The following KIF9 variants were observed in gnomAD, a reference collection of about 807,000 sequenced individuals.
KIF9 encodes the protein kinesin family member 9, also known as kinesin-like protein KIF9.
Under a neutral mutation model 94.8 loss-of-function variants are expected in KIF9, and 68 were observed. That is an observed-to-expected ratio of 0.72 (90% confidence interval 0.59 to 0.88). The LOEUF is 0.88. Among genes scored for constraint, KIF9 ranks in the 40% least tolerant of loss-of-function variants. KIF9 has a pLI of 0.00. For missense variants in KIF9, 882 were observed against 982.5 expected (o/e 0.90, Z 1.37); for synonymous variants, 343 against 362.1 (o/e 0.95, Z 0.60).
rs545383213 is a variant in KIF9, at chr3:47,281,171, T to A, written c.-6+1324A>T. The A allele has an allele frequency of 4.7e-6, 3 of 631,704 alleles. No individual in the cohort carries two copies. The Admixed American group carries it at 7.3e-5, about 15-fold the overall frequency. The allele number at this position is 631,704 out of a possible 1,614,324, so 39.1% of individuals were successfully genotyped here. On this transcript the variant is annotated intron_variant, in intron 1 of 20. Transcript: ENST00000684063. ...AAGTCAGAGGGCAGCTGAATCTTCATATGTGGGTCTATCTTCAGTCACTAC... is the reference window on the plus strand; with the variant it reads ...AAGTCAGAGGGCAGCTGAATCTTCAAATGTGGGTCTATCTTCAGTCACTAC...
At position 47,282,631 on chromosome 3, in the gene KIF9, G is replaced by C; in HGVS notation, c.-142C>G. The C allele has an allele frequency of 8.7e-7, 1 of 1,147,512 alleles. No homozygotes were observed. The highest frequency in any genetic ancestry group is 2.4e-5 in the South Asian group (1 of 42,324). The allele number at this position is 1,147,512 out of a possible 1,614,324, so 71.1% of individuals were successfully genotyped here. A position where few individuals can be genotyped will look rare whatever the true frequency, so the allele number is the denominator to read the frequency against. On this transcript the variant is annotated 5_prime_UTR_variant, in exon 1 of 21. Transcript: ENST00000684063. ...TTCCGGGGATTCCGGAAGTGTCGGG[G>C]TGGCGGAAATGAAGTCCGAGGTCCT...
chr3:47,274,552 C>T (rs769779988), intron 3 of KIF9, among the ~76,000 whole-genome samples: 5 of 152,244 alleles, frequency 3.3e-5, no homozygotes, highest in Admixed American at 6.5e-5. Flanking sequence ...CCTGATTCAG[C>T]ATCTGAGTTG....
At chr3:47,255,963 T>C (rs1700555190) in intron 10 of KIF9, among the ~76,000 whole-genome samples, 2 of 152,248 alleles carry the variant, frequency 1.3e-5, no homozygotes, top group Admixed American at 6.5e-5. Flanking sequence ...GGTTTCGCTG[T>C]GTTGGCCGGG....
intron 17 of KIF9, among the ~76,000 whole-genome samples, chr3:47,236,847 G>A (rs554545432): frequency 2.0e-5 from 3 of 152,156 alleles, no homozygotes; most frequent in Non-Finnish European, 4.4e-5. Flanking sequence ...TGGCATTTTA[G>A]GGCAAACAAG....
chr3:47,249,310 T>A (rs1461467911), intron 10 of KIF9, among the ~76,000 whole-genome samples: 1 of 152,026 alleles, frequency 6.6e-6, no homozygotes, highest in Non-Finnish European at 1.5e-5. Flanking sequence ...CACGCCCGGC[T>A]AATTTTTGTA....
chr3:47,276,274 G>A (rs1701958350), intron 2 of KIF9, among the ~76,000 whole-genome samples: 1 of 151,610 alleles, frequency 6.6e-6, no homozygotes, highest in African/African-American at 2.4e-5. Flanking sequence ...AGACAGACTT[G>A]GCCGGGCATG....
rs116738932 is a variant in KIF9, at chr3:47,257,434, C to T, written c.1059+49G>A. 3.3e-3 allele frequency: 5,013 copies of T among 1,523,650 alleles called. 130 individuals carry two copies. In the African/African-American group the frequency reaches 0.054, roughly 16 times the overall value. 94.4% of individuals were successfully genotyped at this position (1,523,650 alleles called of 1,614,324 possible). A position where few individuals can be genotyped will look rare whatever the true frequency, so the allele number is the denominator to read the frequency against. On this transcript the variant is annotated intron_variant, in intron 10 of 20. Transcript: ENST00000684063. Reference sequence around the variant, plus strand: ...CGCTTGTGTGACCCAAGCAGCAAACCCATACACTTTCCCCACAGTGGGACA... The same window carrying T: ...CGCTTGTGTGACCCAAGCAGCAAACTCATACACTTTCCCCACAGTGGGACA...
intron 10 of KIF9, among the ~76,000 whole-genome samples, chr3:47,251,870 C>G (rs1341751791): frequency 6.6e-6 from 1 of 152,124 alleles, no homozygotes; most frequent in Non-Finnish European, 1.5e-5. Context: ...ACAGAATCAC[C>G]GACTGGCAGA....
Position 47,235,497 on chromosome 3 carries a change from T to A in KIF9, c.2322+16A>T, listed in dbSNP as rs773338332. ...TGAGGCCCCCATCCTCCTGGAGACA[T>A]AGGCCTCTGAGTTACCTTCTGCTCT... is the stretch of plus-strand genomic sequence containing the variant. On this transcript the variant is annotated intron_variant, in intron 20 of 20. Transcript: ENST00000684063. 3.2e-6 allele frequency: 5 copies of A among 1,567,678 alleles called. No homozygotes were observed. In the African/African-American group the frequency reaches 5.4e-5, roughly 17 times the overall value.
At chr3:47,253,375 C>T (rs1462159336) in intron 10 of KIF9, among the ~76,000 whole-genome samples, 2 of 152,028 alleles carry the variant, frequency 1.3e-5, no homozygotes, top group African/African-American at 2.4e-5. Context: ...AGGCTGGTCT[C>T]GCACTCCTGG....
intron 9 of KIF9, among the ~76,000 whole-genome samples, chr3:47,259,092 A>C (rs887701565): frequency 2.0e-5 from 3 of 152,154 alleles, no homozygotes; most frequent in African/African-American, 7.2e-5. Context: ...TAGACTCAGC[A>C]GTCTGGGTGG....
rs759906849 is a variant in KIF9 at position 47,239,924 on chromosome 3, A to T, written c.1924+877T>A. ...CCTGTGGTGTTTCCTGTCTGGAAGA[A>T]GACAGTAAGACTGAGCCAGGAGTGT... On this transcript the variant is annotated intron_variant, in intron 17 of 20. Transcript: ENST00000684063. 11 of 1,367,704 alleles carry T rather than the reference A, an allele frequency of 8.0e-6. No individual in the cohort carries two copies. The South Asian group carries it at 1.1e-4, about 14-fold the overall frequency. 84.7% of individuals were successfully genotyped at this position (1,367,704 alleles called of 1,614,324 possible). A position where few individuals can be genotyped will look rare whatever the true frequency, so the allele number is the denominator to read the frequency against.
chr3:47,277,377 TA>T lies in KIF9; in HGVS notation c.-4del, dbSNP rs1304882285. 2 of 1,609,742 alleles carry T rather than the reference TA, an allele frequency of 1.2e-6. No individual in the cohort carries two copies. The highest frequency in any genetic ancestry group is 3.3e-5 in the Admixed American group (2 of 59,886). On this transcript the variant is annotated splice_region_variant and 5_prime_UTR_variant, in exon 2 of 21. An upstream open reading frame in the 5' UTR loses its in-frame stop. Transcript: ENST00000684063. The stretch of plus-strand genomic sequence containing the variant: ...TGAACTTTTTTCCTAGTACCCATTC[TA>T]GCTAAAAAGAAGGGAACAATGAAAT...
chr3:47,273,508 A>G, intron 4 of KIF9, 44 bp downstream of exon 4: 1 of 1,451,544 alleles, frequency 6.9e-7, no homozygotes, highest in Non-Finnish European at 9.4e-7. Flanking sequence ...TATGGCAGAG[A>G]GAGGGAACCT....
intron 17 of KIF9, 101 bp downstream of exon 17, chr3:47,240,700 C>T (rs1337200895): frequency 2.1e-6 from 2 of 970,014 alleles, no homozygotes; most frequent in Admixed American, 3.8e-5. Flanking sequence ...CCCCCACTGG[C>T]CCCCTCCCAT....
intron 9 of KIF9, among the ~76,000 whole-genome samples, chr3:47,263,033 G>T (rs1701080926): frequency 6.6e-6 from 1 of 152,046 alleles, no homozygotes; most frequent in African/African-American, 2.4e-5. Flanking sequence ...CGAGTAGCTG[G>T]GACCACAGGC....
intron 3 of KIF9, among the ~76,000 whole-genome samples, chr3:47,273,921 C>T (rs753073279): frequency 3.4e-4 from 51 of 152,178 alleles, no homozygotes; most frequent in Non-Finnish European, 5.1e-4. Context: ...ATGATCCGGC[C>T]CTAGGGCTTC....
intron 4 of KIF9, 21 bp from the exon 5 acceptor site, chr3:47,271,482 C>A (rs373152586): frequency 6.2e-7 from 1 of 1,602,196 alleles, no homozygotes; most frequent in African/African-American, 1.3e-5. Flanking sequence ...GATTGTACAG[C>A]GGTCACCAAG....
chr3:47,261,897 C>T (rs191921786), intron 9 of KIF9, among the ~76,000 whole-genome samples: 150 of 152,354 alleles, frequency 9.8e-4, no homozygotes, highest in South Asian at 7.2e-3. Context: ...GGTTACTCAG[C>T]ACACATGTAC....
Sources: allele counts gnomAD v4.1 joint callset (sites outside exome capture counted in the v4.1 genomes callset), GRCh38; gene constraint gnomAD v4.1.1; transcripts MANE v1.5; gene names NCBI Gene and HGNC (gene_info 2026-07-23, HGNC 2026-07-21).